The following NBPF14 variants were observed in gnomAD, a reference collection of about 807,000 sequenced individuals.
NBPF14 encodes NBPF family member NBPF14.
NBPF14 carries 104 observed loss-of-function variants against 91.2 expected under a neutral mutation model. The observed-to-expected ratio is 1.14, with a 90% CI of 0.97 to 1.34. The LOEUF (loss-of-function observed/expected upper bound fraction) is 1.34. NBPF14 is among the 40% of genes most tolerant of loss of function. The probability of loss-of-function intolerance (pLI) is 0.00; values close to 1 mark genes in which losing one functional copy is unlikely to be tolerated. For missense variants in NBPF14, 908 were observed against 783.0 expected, an observed-to-expected ratio of 1.16 and a Z score of -1.91; for synonymous variants, 294 against 303.8, an observed-to-expected ratio of 0.97 and a Z score of 0.34.
intron 22 of NBPF14, among the ~76,000 whole-genome samples, chr1:148,571,245 A>ACC (rs1659101341): frequency 1.2e-5 from 1 of 84,338 alleles, no homozygotes; most frequent in Non-Finnish European, 2.1e-5. Flanking sequence ...ACACACACAC[A>ACC]CACACACACA....
At chr1:148,581,112 G>T (rs1267984711) in intron 12 of NBPF14, among the ~76,000 whole-genome samples, 42 of 87,548 alleles carry the variant, frequency 4.8e-4, no homozygotes, top group African/African-American at 1.9e-3. Flanking sequence ...GCGGTATTTG[G>T]TTTTTTGTCC....
At chr1:148,532,403 G>C (rs1388513465) in exon 71 of NBPF14, 1 of 162,882 alleles carries the variant, frequency 6.1e-6, no homozygotes. Context: ...AATGCTGTTT[G>C]TCCATCTAGC....
chr1:148,574,472 C>CAG (rs1177707680), intron 18 of NBPF14, among the ~76,000 whole-genome samples: 2,480 of 21,634 alleles, frequency 0.11, 76 homozygotes, highest in Middle Eastern at 0.19. Flanking sequence ...CACACACACA[C>CAG]AGAGAGAGAG....
chr1:148,587,276 G>T lies in NBPF14; in HGVS notation c.1091+25C>A. On this transcript the variant is annotated intron_variant, in intron 8 of 70. Transcript: ENST00000619423. ...CAGAGATTTACACACCTGCCCCCCT[G>T]CCTGCCCCCATGGGGTCCCCTCACC... 8.4e-6 allele frequency: 13 copies of T among 1,547,266 alleles called. 2 individuals carry two copies. The highest frequency in any genetic ancestry group is 1.1e-5 in the South Asian group (1 of 88,740).
At chr1:148,590,007 A>C (rs1662191682) in intron 6 of NBPF14, among the ~76,000 whole-genome samples, 2 of 141,656 alleles carry the variant, frequency 1.4e-5, no homozygotes, top group South Asian at 4.6e-4. Context: ...GCTGGGATTA[A>C]GATGTGAGCC....
chr1:148,593,080 T>C (rs1662759275), intron 3 of NBPF14, among the ~76,000 whole-genome samples: 1 of 147,128 alleles, frequency 6.8e-6, no homozygotes, highest in Admixed American at 6.8e-5. Flanking sequence ...GCCATGGACA[T>C]TTCCATGTGA....
In NBPF14 at chr1:148,534,671, G is replaced by T; in HGVS notation, c.8614+13C>A. The T allele has an allele frequency of 1.2e-6, 1 of 804,134 alleles. No homozygotes were observed. The highest frequency in any genetic ancestry group is 1.4e-5 in the South Asian group (1 of 74,042). 49.8% of individuals were successfully genotyped at this position (804,134 alleles called of 1,614,324 possible). On this transcript the variant is annotated intron_variant, in intron 69 of 70. Transcript: ENST00000619423. ...CAGGTGGAGGCTTATCACCTTCATA[G>T]TAAGGTACTCACTGTCCACGTCAAG...
At chr1:148,577,595 G>C (rs1407284367) in intron 14 of NBPF14, among the ~76,000 whole-genome samples, 1 of 149,914 alleles carries the variant, frequency 6.7e-6, no homozygotes, top group African/African-American at 2.5e-5. Flanking sequence ...CACACAGAGC[G>C]AGGTCAGTCA....
At chr1:148,542,191 C>G (rs1319498301) in intron 59 of NBPF14, among the ~76,000 whole-genome samples, 1 of 86,620 alleles carries the variant, frequency 1.2e-5, no homozygotes, top group Non-Finnish European at 1.9e-5. Flanking sequence ...AACAAATACG[C>G]AGATTGTTCA....
chr1:148,557,172 C>A (rs1656756301), intron 40 of NBPF14, among the ~76,000 whole-genome samples: 1 of 101,764 alleles, frequency 9.8e-6, no homozygotes, highest in South Asian at 4.0e-4. Flanking sequence ...TTAGTGCCCT[C>A]AGGACACACA....
At chr1:148,559,377 G>T (rs1350710559) in intron 37 of NBPF14, among the ~76,000 whole-genome samples, 2 of 132,552 alleles carry the variant, frequency 1.5e-5, no homozygotes, top group Admixed American at 7.3e-5. Flanking sequence ...CCCCCAAATG[G>T]TTGCTAGGAG....
rs79690623 is a variant in NBPF14, at chr1:148,533,238, C to T, written c.8734G>A (p.Val2912Met). 61 of 692,532 alleles carry T rather than the reference C, an allele frequency of 8.8e-5. 1 individual carries two copies. Among genetic ancestry groups the T allele is most frequent in the East Asian group, 3.7e-4 (13 of 34,880 alleles). The allele number at this position is 692,532 out of a possible 1,614,324, so 42.9% of individuals were successfully genotyped here. A position where few individuals can be genotyped will look rare whatever the true frequency, so the allele number is the denominator to read the frequency against. The change falls in exon 71 of 71, where the codon GTG becomes ATG. Residue 2912 changes from valine to methionine, a missense_variant. Physicochemically the swap from Val to Met is conservative, Grantham distance 21. Coordinates refer to ENST00000619423, the Ensembl canonical transcript of NBPF14. The stretch of plus-strand genomic sequence containing the variant: ...TCACGCTCTTCCACTTCCATCAGCA[C>T]GCCGTTGAGCCTGGAAAAGGAGACA...
chr1:148,538,197 C>G (rs1655333936), intron 64 of NBPF14, among the ~76,000 whole-genome samples, 191 bp from the exon 65 acceptor site: 1 of 53,994 alleles, frequency 1.9e-5, no homozygotes, highest in Non-Finnish European at 3.6e-5. Context: ...AAGAGAAAGA[C>G]AGATAGACAC....
At chr1:148,553,458 G>C in intron 45 of NBPF14, 82 bp downstream of exon 45, 2 of 136,796 alleles carry the variant, frequency 1.5e-5, no homozygotes. Flanking sequence ...TCTCGGGTCA[G>C]TAAGGGGCAC....
In NBPF14 at chr1:148,559,376, G is replaced by T. The variant is rs1367416351; in HGVS notation, c.4730-304C>A. Among the ~76,000 whole-genome samples the T allele has an allele frequency of 2.3e-5, 3 of 132,406 alleles. 1 individual carries two copies. Among genetic ancestry groups the T allele is most frequent in the Non-Finnish European group, 4.5e-5 (3 of 66,648 alleles). The allele number at this position is 132,406 out of a possible 152,430, so 86.9% of individuals were successfully genotyped here. On this transcript the variant is annotated intron_variant, in intron 37 of 70. Transcript: ENST00000619423. ...CGATTTAAAGCAATTGCCCCCAAAT[G>T]GTTGCTAGGAGAAAAACTGCACTAT...
rs1663182729 is a variant in NBPF14 at position 148,595,533 on chromosome 1, T to C, written c.175+10A>G. On this transcript the variant is annotated intron_variant, in intron 2 of 70. Coordinates refer to ENST00000619423, the Ensembl canonical transcript of NBPF14. ...CATCACTTTCATGATGGTGAGCCTA[T>C]AGATCTTACTGTATTTCTTCTGTTG... is the stretch of plus-strand genomic sequence containing the variant. The C allele has an allele frequency of 6.7e-5, 105 of 1,575,508 alleles. 7 individuals carry two copies. Among genetic ancestry groups the C allele is most frequent in the Non-Finnish European group, 9.1e-5 (105 of 1,153,246 alleles).
intron 28 of NBPF14, 148 bp downstream of exon 28, chr1:148,566,804 T>A (rs1241850016): frequency 3.2e-6 from 1 of 308,968 alleles, no homozygotes; most frequent in African/African-American, 4.1e-5. Context: ...AAATATCTAC[T>A]GCAATGAAAA....
At chr1:148,577,505 G>T (rs1660050746) in intron 14 of NBPF14, 150 bp from the exon 15 acceptor site, 1 of 709,274 alleles carries the variant, frequency 1.4e-6, no homozygotes, top group Non-Finnish European at 2.6e-6. Context: ...TTTATGTTGG[G>T]ATAGACTATG....
At chr1:148,590,460 A>G (rs1215251640) in intron 6 of NBPF14, among the ~76,000 whole-genome samples, 4 of 118,306 alleles carry the variant, frequency 3.4e-5, no homozygotes, top group South Asian at 3.4e-4. Flanking sequence ...CCTCCCACCT[A>G]AGTCTCCTGA....
Sources: gnomAD v4.1 joint callset for allele counts (sites outside exome capture counted in the v4.1 genomes callset) on GRCh38, gnomAD v4.1.1 for gene constraint, MANE v1.5 for transcripts, NCBI Gene and HGNC (gene_info 2026-07-23, HGNC 2026-07-21) for gene names.